Variants in DNAH14 observed in about 807,000 individuals in gnomAD.
The protein encoded by DNAH14 is axonemal beta dynein heavy chain 14.
Under a neutral mutation model 520.9 loss-of-function variants are expected in DNAH14, and 478 were observed. The observed-to-expected ratio is 0.92, with a 90% CI of 0.85 to 0.99. The LOEUF is 0.99. DNAH14 is among the 50% of genes least tolerant of loss of function. The probability of loss-of-function intolerance (pLI) is 0.00; values close to 1 mark genes in which losing one functional copy is unlikely to be tolerated. For synonymous variants in DNAH14, 1,581 were observed against 1,757.2 expected (o/e 0.90, Z 2.51); for missense variants, 4,831 against 5,234.5 (o/e 0.92, Z 2.38).
chr1:225,192,771 C>T lies in DNAH14; in HGVS notation c.5746C>T (p.Gln1916Ter). Residue 1916 changes from glutamine to a stop codon, truncating the protein, a stop_gained, in exon 38 of 86, where the codon CAA becomes TAA. Transcript: ENST00000682510. LOFTEE classifies it high-confidence loss of function. ...TGTCACTCTCAGTGAACTATATGGA[C>T]AACTGGATCCTAATACTATGGAATG... ...KCVTLSELYG[Q>*]LDPNTMEWTD... The T allele has an allele frequency of 6.5e-7, 1 of 1,550,076 alleles. No individual in the cohort carries two copies. Among genetic ancestry groups the T allele is most frequent in the Non-Finnish European group, 8.7e-7 (1 of 1,145,954 alleles).
At chr1:225,065,599 G>A (rs985006299) in intron 17 of DNAH14, among the ~76,000 whole-genome samples, 2 of 151,994 alleles carry the variant, frequency 1.3e-5, no homozygotes, top group Non-Finnish European at 2.9e-5. Flanking sequence ...ACATGTAATT[G>A]AGAACATGTG....
intron 8 of DNAH14, among the ~76,000 whole-genome samples, chr1:224,983,576 G>T (rs2062422942): frequency 6.6e-6 from 1 of 152,036 alleles, no homozygotes; most frequent in African/African-American, 2.4e-5. Flanking sequence ...GGAGATAAAG[G>T]GCATCCAAAT....
At chr1:224,957,503 A>G (rs1243369074) in intron 3 of DNAH14, among the ~76,000 whole-genome samples, 3 of 150,812 alleles carry the variant, frequency 2.0e-5, no homozygotes, top group Non-Finnish European at 4.4e-5. Flanking sequence ...GTATAAAGTG[A>G]GACTAAAACA....
chr1:225,214,341 T>A (rs1260257199), intron 41 of DNAH14, among the ~76,000 whole-genome samples: 1 of 152,212 alleles, frequency 6.6e-6, no homozygotes, highest in Non-Finnish European at 1.5e-5. Flanking sequence ...TGCATCGATG[T>A]TCATCAAGGA....
chr1:225,151,969 A>G, intron 31 of DNAH14, 36 bp from the exon 32 acceptor site: 1 of 1,505,600 alleles, frequency 6.6e-7, no homozygotes, highest in Non-Finnish European at 9.0e-7. Flanking sequence ...GACTAGAGAA[A>G]ACAGTGCTAG....
At chr1:224,958,159 A>G (rs560471733) in intron 3 of DNAH14, among the ~76,000 whole-genome samples, 1 of 152,216 alleles carries the variant, frequency 6.6e-6, no homozygotes, top group South Asian at 2.1e-4. Flanking sequence ...TTCCCTGGGA[A>G]GTAGGCTTTG....
chr1:224,962,982 A>T (rs2060937297), intron 4 of DNAH14, among the ~76,000 whole-genome samples: 1 of 152,084 alleles, frequency 6.6e-6, no homozygotes, highest in South Asian at 2.1e-4. Context: ...CCAATTTTAA[A>T]TTTTTTGCCA....
chr1:225,326,204 A>C (rs2094664298), intron 64 of DNAH14, among the ~76,000 whole-genome samples: 1 of 152,218 alleles, frequency 6.6e-6, no homozygotes, highest in Admixed American at 6.5e-5. Context: ...CTAAATTTTA[A>C]AGATTTAGTA....
intron 49 of DNAH14, among the ~76,000 whole-genome samples, chr1:225,267,823 A>G (rs957122931): frequency 1.6e-4 from 25 of 151,718 alleles, no homozygotes; most frequent in African/African-American, 6.1e-4. Flanking sequence ...GAGCGCTATC[A>G]GGTCAGACGT....
intron 27 of DNAH14, among the ~76,000 whole-genome samples, chr1:225,137,324 CT>C (rs1202176009): frequency 6.6e-6 from 1 of 151,732 alleles, no homozygotes; most frequent in East Asian, 1.9e-4. Context: ...TTTGTGGGGT[CT>C]TTTTTTGTTG....
In DNAH14 at chr1:225,070,490, T is replaced by C. The variant is rs1403853906; in HGVS notation, c.2425-8717T>C. Among the ~76,000 whole-genome samples the C allele has an allele frequency of 2.0e-5, 3 of 152,244 alleles. No individual in the cohort carries two copies. The East Asian group carries it at 5.8e-4, about 29-fold the overall frequency. ...CCAAAAGTCATTCAGGAGCAGCTTATTCCATTTCAGTGTCATTGTATGGAT... is the reference window on the plus strand; with the variant it reads ...CCAAAAGTCATTCAGGAGCAGCTTACTCCATTTCAGTGTCATTGTATGGAT... On this transcript the variant is annotated intron_variant, in intron 17 of 85. Transcript: ENST00000682510.
At chr1:224,954,545 A>G (rs993835888) in intron 2 of DNAH14, 3 of 153,100 alleles carry the variant, frequency 2.0e-5, no homozygotes, top group African/African-American at 7.2e-5. Flanking sequence ...AATTTCAGAA[A>G]ATTGTGTTCT....
chr1:225,143,924 C>A (rs2079680732), intron 28 of DNAH14, among the ~76,000 whole-genome samples: 1 of 152,148 alleles, frequency 6.6e-6, no homozygotes, highest in South Asian at 2.1e-4. Flanking sequence ...CTACACAATT[C>A]ACAGTGCTCA....
intron 27 of DNAH14, among the ~76,000 whole-genome samples, chr1:225,136,105 C>G (rs2148990289): frequency 6.6e-6 from 1 of 152,140 alleles, no homozygotes; most frequent in Non-Finnish European, 1.5e-5. Context: ...GACTCTTTAT[C>G]CAGCTTGTCA....
At chr1:225,231,785 A>G (rs1040144282) in intron 42 of DNAH14, among the ~76,000 whole-genome samples, 1 of 152,080 alleles carries the variant, frequency 6.6e-6, no homozygotes, top group Non-Finnish European at 1.5e-5. Flanking sequence ...AACCTCCATC[A>G]TTTCTTGCCT....
intron 77 of DNAH14, among the ~76,000 whole-genome samples, chr1:225,374,169 A>AG (rs1453198758): frequency 3.4e-5 from 3 of 87,842 alleles, no homozygotes; most frequent in Non-Finnish European, 7.2e-5. Context: ...ATATATATAT[A>AG]TATATATATA....
intron 17 of DNAH14, among the ~76,000 whole-genome samples, chr1:225,070,766 C>T (rs890344677): frequency 4.6e-5 from 7 of 152,064 alleles, no homozygotes. Flanking sequence ...TCTTTGTTAA[C>T]TTTCTGTCTA....
chr1:225,188,439 A>T (rs188207246), intron 37 of DNAH14, among the ~76,000 whole-genome samples: 1 of 152,024 alleles, frequency 6.6e-6, no homozygotes, highest in Admixed American at 6.6e-5. Flanking sequence ...TCTATTAATT[A>T]TTGTTAACAT....
chr1:225,212,684 T>G (rs1427604923), intron 41 of DNAH14, among the ~76,000 whole-genome samples: 1 of 152,214 alleles, frequency 6.6e-6, no homozygotes, highest in Non-Finnish European at 1.5e-5. Context: ...TCATGTGTTT[T>G]TTGGCTGCAT....
Sources: allele counts gnomAD v4.1 joint callset (sites outside exome capture counted in the v4.1 genomes callset), GRCh38; gene constraint gnomAD v4.1.1; transcripts MANE v1.5; gene names NCBI Gene and HGNC (gene_info 2026-07-23, HGNC 2026-07-21).